ETF1: variants seen among roughly 807,000 people sequenced by gnomAD.
The protein encoded by ETF1 is eukaryotic translation termination factor 1.
ETF1 carries 4 observed loss-of-function variants against 55.1 expected under a neutral mutation model. The ratio of observed to expected loss-of-function variants is 0.07; its 90% CI spans 0.04 to 0.17. ETF1 has a LOEUF of 0.17. Ranked by LOEUF, ETF1 falls within the 10% of genes least tolerant of loss-of-function variation. The probability of loss-of-function intolerance (pLI) is 1.00; values close to 1 mark genes in which losing one functional copy is unlikely to be tolerated. For synonymous variants in ETF1, 157 were observed against 182.3 expected (o/e 0.86, Z 1.12); for missense variants, 142 against 523.6 (o/e 0.27, Z 7.11).
chr5:138,529,394 T>A (rs768316421), intron 2 of ETF1, among the ~76,000 whole-genome samples: 2 of 152,244 alleles, frequency 1.3e-5, no homozygotes, highest in Non-Finnish European at 2.9e-5. Context: ...AGATGCTGGC[T>A]ACACAGGCAA....
chr5:138,532,398 C>T (rs1010160515), intron 2 of ETF1, among the ~76,000 whole-genome samples: 4 of 152,200 alleles, frequency 2.6e-5, no homozygotes, highest in African/African-American at 9.7e-5. Flanking sequence ...TCTGTTTCTA[C>T]TTACTTCACA....
At position 138,511,536 on chromosome 5, in the gene ETF1, A is replaced by C. The variant is rs1764786416; in HGVS notation, c.801T>G (p.Ala267=). ...SYGGENGFNQ[A]IELSTEVLSN... is the part of the protein sequence containing the mutation. ...AGAGGACTTCAGTAGATAACTCAAT[A>C]GCTTGGTTGAATCCATTTTCACCAC... The change falls in exon 7 of 11, where the codon GCT becomes GCG. Residue 267 remains alanine, a synonymous_variant. Coordinates refer to ENST00000360541, the MANE Select transcript of ETF1 (RefSeq NM_004730.4). The C allele has an allele frequency of 1.9e-6, 3 of 1,613,560 alleles. No individual in the cohort carries two copies. Among genetic ancestry groups the C allele is most frequent in the Non-Finnish European group, 2.5e-6 (3 of 1,179,856 alleles).
chr5:138,522,449 T>C (rs1765270726), intron 2 of ETF1, among the ~76,000 whole-genome samples: 1 of 152,022 alleles, frequency 6.6e-6, no homozygotes, highest in Non-Finnish European at 1.5e-5. Flanking sequence ...TGGCAGTCCT[T>C]AGGAGTTTAA....
intron 2 of ETF1, among the ~76,000 whole-genome samples, chr5:138,522,113 G>GT (rs200628148): frequency 0.012 from 1,393 of 117,636 alleles, 23 homozygotes; most frequent in African/African-American, 0.034. Context: ...TTGTTTTTTT[G>GT]GTTTTTTTTA....
At chr5:138,520,406 C>A (rs1484230938) in intron 2 of ETF1, among the ~76,000 whole-genome samples, 2 of 152,210 alleles carry the variant, frequency 1.3e-5, no homozygotes, top group African/African-American at 4.8e-5. Context: ...GTTACCAACC[C>A]ATTTTTAAGC....
intron 2 of ETF1, among the ~76,000 whole-genome samples, chr5:138,524,008 C>T (rs920359976): frequency 3.9e-5 from 6 of 152,046 alleles, no homozygotes; most frequent in Admixed American, 2.0e-4. Context: ...GAAACCTCAC[C>T]TCTACTAAAA....
intron 2 of ETF1, chr5:138,541,776 G>GCC: frequency 5.2e-6 from 1 of 192,530 alleles, no homozygotes; most frequent in Non-Finnish European, 9.6e-6. Context: ...GGGGGGGGGG[G>GCC]CACTTCCTGT....
chr5:138,536,019 G>A (rs1425520059), intron 2 of ETF1, among the ~76,000 whole-genome samples: 1 of 150,376 alleles, frequency 6.6e-6, no homozygotes, highest in Non-Finnish European at 1.5e-5. Flanking sequence ...GGCAGATCAT[G>A]TTTTCATTTT....
At chr5:138,510,250 A>T (rs1404853626) in intron 9 of ETF1, among the ~76,000 whole-genome samples, 1 of 149,458 alleles carries the variant, frequency 6.7e-6, no homozygotes, top group East Asian at 2.0e-4. Flanking sequence ...CCCAGCTACC[A>T]GAGAGGCTGA....
At chr5:138,523,099 T>C (rs1214902169) in intron 2 of ETF1, among the ~76,000 whole-genome samples, 4 of 152,192 alleles carry the variant, frequency 2.6e-5, no homozygotes, top group African/African-American at 7.2e-5. Context: ...CAGGGCACAG[T>C]GGCTCACGCC....
Position 138,511,516 on chromosome 5 carries a change from A to G in ETF1, c.821T>C (p.Val274Ala). The change falls in exon 7 of 11, where the codon GTC becomes GCC. Residue 274 changes from valine to alanine, a missense_variant. Val to Ala is a moderately conservative substitution (Grantham distance 64). Around this residue, in one of 5 missense-constraint regions of ETF1, gnomAD observed 82 missense variants for 232.9 expected, o/e 0.35. Coordinates refer to ENST00000360541, the MANE Select transcript of ETF1 (RefSeq NM_004730.4). Reference sequence around the variant, plus strand: ...TTGAATGAATTTCACGTTGGAGAGGACTTCAGTAGATAACTCAATAGCTTG... The same window carrying G: ...TTGAATGAATTTCACGTTGGAGAGGGCTTCAGTAGATAACTCAATAGCTTG... Reference protein sequence around the residue: ...FNQAIELSTEVLSNVKFIQEK... With the variant: ...FNQAIELSTEALSNVKFIQEK... 1 of 1,613,760 alleles carries G rather than the reference A, an allele frequency of 6.2e-7. No individual in the cohort carries two copies. Among genetic ancestry groups the G allele is most frequent in the Non-Finnish European group, 8.5e-7 (1 of 1,179,900 alleles).
chr5:138,542,558 G>C (rs1235091630), intron 2 of ETF1: 4 of 1,269,338 alleles, frequency 3.2e-6, no homozygotes, highest in Admixed American at 3.3e-5. Flanking sequence ...TAAGGGCCCG[G>C]GAGAGGTGCA....
At chr5:138,511,383 C>T (rs1581015883) in intron 7 of ETF1, 92 bp downstream of exon 7, 24 of 1,402,974 alleles carry the variant, frequency 1.7e-5, no homozygotes, top group East Asian at 5.3e-5. Context: ...CATACAATCA[C>T]GTACATACAC....
Position 138,542,849 on chromosome 5 carries a change from A to G in ETF1, c.70T>C (p.Leu24=), listed in dbSNP as rs1244032352. The G allele has an allele frequency of 2.5e-6, 4 of 1,613,296 alleles. No individual in the cohort carries two copies. Among genetic ancestry groups the G allele is most frequent in the Non-Finnish European group, 3.4e-6 (4 of 1,179,852 alleles). Residue 24 remains leucine (L), a synonymous_variant, in exon 2 of 11, where the codon TTG becomes CTG. Coordinates refer to ENST00000360541, the MANE Select transcript of ETF1 (RefSeq NM_004730.4). ...GGCGCTCACCCGCGGGCCGCCTCCA[A>G]GCTCTTAATGAGCTTCTTGATCTTC... ...IWKIKKLIKS[L]EAARGNGTSM...
chr5:138,511,431 C>A (rs1561829135), intron 7 of ETF1, 44 bp downstream of exon 7: 2 of 1,601,608 alleles, frequency 1.2e-6, no homozygotes, highest in Non-Finnish European at 1.7e-6. Flanking sequence ...CACACACACA[C>A]ACGAAAACAT....
In ETF1 at chr5:138,507,523, G is replaced by C. The variant is rs1764600891; in HGVS notation, c.*782C>G. On this transcript the variant is annotated 3_prime_UTR_variant, in exon 11 of 11. Coordinates refer to ENST00000360541, the MANE Select transcript of ETF1 (RefSeq NM_004730.4). ...ATCATATCCATCCCAAACCGGTTTC[G>C]AGTAGGTTAAGGTTATAGGGACCCT... is the stretch of plus-strand genomic sequence containing the variant. 1 of 152,570 alleles carries C rather than the reference G, an allele frequency of 6.6e-6. No homozygotes were observed. The allele number at this position is 152,570 out of a possible 1,614,324, so 9.5% of individuals were successfully genotyped here. A position where few individuals can be genotyped will look rare whatever the true frequency, so the allele number is the denominator to read the frequency against.
chr5:138,525,766 T>C (rs1325023097), intron 2 of ETF1, among the ~76,000 whole-genome samples: 1 of 151,662 alleles, frequency 6.6e-6, no homozygotes, highest in African/African-American at 2.4e-5. Flanking sequence ...GCCAAGATGG[T>C]GAAACCCCAT....
At chr5:138,522,436 G>A (rs1231551997) in intron 2 of ETF1, among the ~76,000 whole-genome samples, 3 of 152,118 alleles carry the variant, frequency 2.0e-5, no homozygotes, top group Non-Finnish European at 4.4e-5. Flanking sequence ...CCAGAAAACA[G>A]TCTGGCAGTC....
intron 2 of ETF1, among the ~76,000 whole-genome samples, chr5:138,525,083 G>C (rs972840758): frequency 1.3e-5 from 2 of 151,946 alleles, no homozygotes; most frequent in African/African-American, 4.8e-5. Context: ...TTCCCGAGAA[G>C]TAGTAATTTG....
Sources: gnomAD v4.1 joint callset for allele counts (sites outside exome capture counted in the v4.1 genomes callset) on GRCh38, gnomAD v4.1.1 for gene constraint, gnomAD v4.1.1 regional missense constraint, MANE v1.5 for transcripts, NCBI Gene and HGNC (gene_info 2026-07-23, HGNC 2026-07-21) for gene names.